ATP13A3: variants seen among roughly 807,000 people sequenced by gnomAD.
The protein encoded by ATP13A3 is ATPase 13A3.
Under a neutral mutation model 158.1 loss-of-function variants are expected in ATP13A3, and 59 were observed. The observed-to-expected ratio is 0.37, with a 90% CI of 0.30 to 0.46. The LOEUF (loss-of-function observed/expected upper bound fraction) is 0.46. Ranked by LOEUF, ATP13A3 falls within the 20% of genes least tolerant of loss-of-function variation. The probability of loss-of-function intolerance (pLI) is 1.00; values close to 1 mark genes in which losing one functional copy is unlikely to be tolerated. For synonymous variants in ATP13A3, 491 were observed against 504.3 expected, an observed-to-expected ratio of 0.97 and a Z score of 0.35; for missense variants, 1,166 against 1,525.2, an observed-to-expected ratio of 0.76 and a Z score of 3.92.
rs1015274772 is a variant in ATP13A3 at position 194,403,721 on chromosome 3, T to C, written c.*2198A>G. The C allele has an allele frequency of 2.3e-5, 4 of 172,852 alleles. No individual in the cohort carries two copies. The highest frequency in any genetic ancestry group is 9.6e-5 in the African/African-American group (4 of 41,620). 10.7% of individuals were successfully genotyped at this position (172,852 alleles called of 1,614,324 possible). A position where few individuals can be genotyped will look rare whatever the true frequency, so the allele number is the denominator to read the frequency against. On this transcript the variant is annotated 3_prime_UTR_variant, in exon 34 of 34. Transcript: ENST00000645319. ...TACGAGAGAAGACTCAGTCTATCTA[T>C]GGCACTGAGTAGAACCCACACCTGG...
chr3:194,403,384 A>T lies in ATP13A3; in HGVS notation c.*2535T>A, dbSNP rs1305212330. The T allele has an allele frequency of 5.9e-5, 9 of 152,250 alleles. No individual in the cohort carries two copies. The East Asian group carries it at 1.7e-3, about 29-fold the overall frequency. 9.4% of individuals were successfully genotyped at this position (152,250 alleles called of 1,614,324 possible). A position where few individuals can be genotyped will look rare whatever the true frequency, so the allele number is the denominator to read the frequency against. ...GCATTGCTTTACAGCAGTTGGTGCT[A>T]GAAGATACAAAACATATAGTTACCA... On this transcript the variant is annotated 3_prime_UTR_variant, in exon 34 of 34. Coordinates refer to ENST00000645319, the MANE Select transcript of ATP13A3 (RefSeq NM_001367549.1).
intron 20 of ATP13A3, among the ~76,000 whole-genome samples, chr3:194,434,982 A>G (rs1717517014): frequency 6.6e-6 from 1 of 152,208 alleles, no homozygotes; most frequent in Non-Finnish European, 1.5e-5. Flanking sequence ...GAATTATATC[A>G]TAGAAATTTT....
chr3:194,442,673 G>C (rs150399467), intron 15 of ATP13A3, among the ~76,000 whole-genome samples: 1 of 151,730 alleles, frequency 6.6e-6, no homozygotes, highest in Non-Finnish European at 1.5e-5. Flanking sequence ...AGGCCATAAT[G>C]GAAGTAAAAA....
At chr3:194,485,319 C>G (rs1337710595) in intron 2 of ATP13A3, among the ~76,000 whole-genome samples, 1 of 152,134 alleles carries the variant, frequency 6.6e-6, no homozygotes, top group African/African-American at 2.4e-5. Context: ...GGATGAGATG[C>G]CCACACACAT....
rs576530145 is a variant in ATP13A3, at chr3:194,458,419, C to T, written c.479+1052G>A. On this transcript the variant is annotated intron_variant, in intron 6 of 33. Coordinates refer to ENST00000645319, the MANE Select transcript of ATP13A3 (RefSeq NM_001367549.1). ...TCTTTGTTTTTATGAGACGCAGTTT[C>T]GCTCTTTGGCCCAGGCTGGAACGGA... Among the ~76,000 whole-genome samples the T allele has an allele frequency of 1.9e-4, 29 of 152,106 alleles. 1 individual carries two copies. The South Asian group carries it at 5.8e-3, about 31-fold the overall frequency.
At chr3:194,489,399 C>T (rs749288562), upstream of ATP13A3, among the ~76,000 whole-genome samples, 18 of 152,078 alleles carry the variant, frequency 1.2e-4, no homozygotes, top group East Asian at 1.9e-4. The surrounding 1 kb of genome is among the most constrained non-coding windows in gnomAD (Gnocchi z 4.1). Flanking sequence ...GCTGAGATTG[C>T]GCCATTGCAC....
intron 21 of ATP13A3, chr3:194,432,168 T>G: frequency 2.8e-6 from 1 of 351,744 alleles, no homozygotes. Context: ...AGTCATGCAC[T>G]ATTTGTATCT....
At position 194,433,825 on chromosome 3, in the gene ATP13A3, G is replaced by A; in HGVS notation, c.2192C>T (p.Pro731Leu). The A allele has an allele frequency of 6.2e-7, 1 of 1,614,026 alleles. No homozygotes were observed. Among genetic ancestry groups the A allele is most frequent in the Non-Finnish European group, 8.5e-7 (1 of 1,179,960 alleles). Reference protein sequence around the residue: ...IMQNKLKQETPAVLEDLHKAN... With the variant: ...IMQNKLKQETLAVLEDLHKAN... The stretch of plus-strand genomic sequence containing the variant: ...TTTATGCAAATCTTCAAGTACTGCA[G>A]GGGTTTCTTGCTTTAATTTGTTCTG... Residue 731 changes from proline to leucine, a missense_variant, in exon 21 of 34, where the codon CCT (proline) becomes CTT (leucine). Around this residue, in one of 3 missense-constraint regions of ATP13A3, gnomAD observed 997 missense variants for 1,341.2 expected, o/e 0.74. Coordinates refer to ENST00000645319, the MANE Select transcript of ATP13A3 (RefSeq NM_001367549.1).
rs1438104777 is a variant in ATP13A3 at position 194,454,397 on chromosome 3, A to G, written c.631-5T>C. ...AATGTAAAATGGGTTGAGAACCTAA[A>G]AAACAAGATTTTAAAGTCAAACTGA... On this transcript the variant is annotated splice_region_variant and splice_polypyrimidine_tract_variant and intron_variant, in intron 8 of 33. Coordinates refer to ENST00000645319, the MANE Select transcript of ATP13A3 (RefSeq NM_001367549.1). The G allele has an allele frequency of 1.2e-6, 2 of 1,607,974 alleles. No homozygotes were observed.
chr3:194,434,027 GA>G, intron 20 of ATP13A3, 131 bp from the exon 21 acceptor site: 1 of 982,712 alleles, frequency 1.0e-6, no homozygotes, highest in Non-Finnish European at 1.4e-6. Flanking sequence ...ATCTATAAAT[GA>G]AAACATTTTA....
chr3:194,447,702 T>A, intron 13 of ATP13A3, 150 bp downstream of exon 13: 1 of 692,604 alleles, frequency 1.4e-6, no homozygotes, highest in East Asian at 2.7e-5. Context: ...TAGCTACTAG[T>A]CTCATGACTT....
In ATP13A3 at chr3:194,455,958, G is replaced by C. The variant is rs1719194558; in HGVS notation, c.565C>G (p.Leu189Val). The C allele has an allele frequency of 1.3e-6, 2 of 1,527,992 alleles. No homozygotes were observed. The highest frequency in any genetic ancestry group is 1.8e-6 in the Non-Finnish European group (2 of 1,127,090). 94.7% of individuals were successfully genotyped at this position (1,527,992 alleles called of 1,614,324 possible). A position where few individuals can be genotyped will look rare whatever the true frequency, so the allele number is the denominator to read the frequency against. ...LTKGMHAYRKLLYGVNEIAVK... is the reference protein window; with the variant it reads ...LTKGMHAYRKVLYGVNEIAVK... ...GCAATTTCATTTACTCCATAAAGCA[G>C]TTTTCTATAACAGGAAAATACATTC... Residue 189 changes from leucine to valine, a missense_variant, in exon 8 of 34, where the codon CTG becomes GTG. By Grantham distance (32) the Leu-to-Val change is conservative. Transcript: ENST00000645319.
In ATP13A3 at chr3:194,425,429, CTG is replaced by C; in HGVS notation, c.3224_3225del (p.Thr1075SerfsTer55). 1 of 1,613,314 alleles carries C rather than the reference CTG, an allele frequency of 6.2e-7. No individual in the cohort carries two copies. Among genetic ancestry groups the C allele is most frequent in the Non-Finnish European group, 8.5e-7 (1 of 1,179,310 alleles). On this transcript the variant is annotated frameshift_variant, in exon 30 of 34. Coordinates refer to ENST00000645319, the MANE Select transcript of ATP13A3 (RefSeq NM_001367549.1). LOFTEE classifies it high-confidence loss of function. The part of the protein sequence containing the change: ...EHNIQNYENT[T>X]VFFISSFQYL... Reference sequence around the variant, plus strand: ...TACTGAAAACTGGAAATAAAAAACACTGTGGTATTTTCATAATTTTGTATATT... The same window carrying C: ...TACTGAAAACTGGAAATAAAAAACACTGGTATTTTCATAATTTTGTATATT...
intron 16 of ATP13A3, among the ~76,000 whole-genome samples, chr3:194,440,344 G>C (rs1022058257): frequency 6.6e-6 from 1 of 152,180 alleles, no homozygotes; most frequent in Non-Finnish European, 1.5e-5. Context: ...ACAGAGCAAA[G>C]GCTGCTGACA....
In ATP13A3 at chr3:194,404,825, C is replaced by T. The variant is rs143370761; in HGVS notation, c.*1094G>A. 1.2e-4 allele frequency: 19 copies of T among 152,146 alleles called. No individual in the cohort carries two copies. In the East Asian group the frequency reaches 3.7e-3, roughly 29 times the overall value. 9.4% of individuals were successfully genotyped at this position (152,146 alleles called of 1,614,324 possible). A position where few individuals can be genotyped will look rare whatever the true frequency, so the allele number is the denominator to read the frequency against. ...CAATTCAAAATAGACATGTTCTGACCTCTGGCGCCACCTAATGGCATAAAA... is the reference window on the plus strand; with the variant it reads ...CAATTCAAAATAGACATGTTCTGACTTCTGGCGCCACCTAATGGCATAAAA... On this transcript the variant is annotated 3_prime_UTR_variant, in exon 34 of 34. Coordinates refer to ENST00000645319, the MANE Select transcript of ATP13A3 (RefSeq NM_001367549.1).
In ATP13A3 at chr3:194,450,254, G is replaced by T. The variant is rs772525422; in HGVS notation, c.861C>A (p.Thr287=). The change falls in exon 11 of 34, where the codon ACC becomes ACA. Residue 287 remains threonine, a synonymous_variant. Transcript: ENST00000645319. ...VNEEIEEIFS[T]DLVPGDVMVI... ...CCATGACATCTCCTGGCACAAGGTCGGTAGAAAAGATTTCTTCTATTTCTG... is the reference window on the plus strand; with the variant it reads ...CCATGACATCTCCTGGCACAAGGTCTGTAGAAAAGATTTCTTCTATTTCTG... The T allele has an allele frequency of 1.2e-6, 2 of 1,612,076 alleles. No individual in the cohort carries two copies. The highest frequency in any genetic ancestry group is 1.7e-6 in the Non-Finnish European group (2 of 1,178,452).
intron 33 of ATP13A3, among the ~76,000 whole-genome samples, chr3:194,407,996 C>T (rs1480986722): frequency 6.6e-6 from 1 of 151,368 alleles, no homozygotes; most frequent in East Asian, 1.9e-4. Flanking sequence ...AACCACTGTT[C>T]CTAAATCAAT....
rs888516261 is a variant in ATP13A3, at chr3:194,437,697, A to C, written c.1828-124T>G. On this transcript the variant is annotated intron_variant, in intron 17 of 33. Transcript: ENST00000645319. ...GAAAAGAAACAAGCAACTGTTTTTC[A>C]AAGTCAGGATTCAAGATTCCTTCTA... is the stretch of plus-strand genomic sequence containing the variant. 4 of 1,033,304 alleles carry C rather than the reference A, an allele frequency of 3.9e-6. No homozygotes were observed. The African/African-American group carries it at 6.5e-5, about 17-fold the overall frequency. 64.0% of individuals were successfully genotyped at this position (1,033,304 alleles called of 1,614,324 possible). A position where few individuals can be genotyped will look rare whatever the true frequency, so the allele number is the denominator to read the frequency against.
At chr3:194,463,710 C>G (rs542145975) in intron 2 of ATP13A3, among the ~76,000 whole-genome samples, 1 of 152,240 alleles carries the variant, frequency 6.6e-6, no homozygotes, top group East Asian at 1.9e-4. Flanking sequence ...GAATAAATGA[C>G]CTGATTTAAA....
Sources: allele counts gnomAD v4.1 joint callset (sites outside exome capture counted in the v4.1 genomes callset), GRCh38; gene constraint gnomAD v4.1.1; regional missense constraint gnomAD v4.1.1; non-coding constraint Gnocchi (gnomAD v3.1); transcripts MANE v1.5; gene names NCBI Gene and HGNC (gene_info 2026-07-23, HGNC 2026-07-21).